The following OXR1 variants were observed in gnomAD, a reference collection of about 807,000 sequenced individuals.
OXR1 encodes oxidation resistance protein 1.
In OXR1, 41 loss-of-function variants were observed where a neutral mutation model predicts 104.6. The ratio of observed to expected loss-of-function variants is 0.39; its 90% CI spans 0.31 to 0.51. OXR1 has a LOEUF of 0.51. Among genes scored for constraint, OXR1 ranks in the 20% least tolerant of loss-of-function variants. The pLI is 0.77. For missense variants in OXR1, 955 were observed against 1,031.9 expected, an observed-to-expected ratio of 0.93 and a Z score of 1.02; for synonymous variants, 348 against 348.4, an observed-to-expected ratio of 1.00 and a Z score of 0.01.
At chr8:106,301,861 A>G (rs2130090551) in intron 1 of OXR1, among the ~76,000 whole-genome samples, 1 of 152,320 alleles carries the variant, frequency 6.6e-6, no homozygotes, top group Admixed American at 6.5e-5. Context: ...GTGATTGTAG[A>G]TAGGTTGTTT....
At chr8:106,369,779 A>G (rs1477469589) in intron 2 of OXR1, among the ~76,000 whole-genome samples, 4 of 152,200 alleles carry the variant, frequency 2.6e-5, no homozygotes, top group Admixed American at 6.5e-5. Context: ...TACAAGTACC[A>G]TGCTGTATTG....
chr8:106,413,279 T>G (rs2130512634), intron 2 of OXR1, among the ~76,000 whole-genome samples: 1 of 152,230 alleles, frequency 6.6e-6, no homozygotes, highest in East Asian at 1.9e-4. Flanking sequence ...CCTAAATGTG[T>G]ATTCAAGCAC....
intron 3 of OXR1, among the ~76,000 whole-genome samples, chr8:106,563,296 C>G (rs1368387411): frequency 8.0e-6 from 1 of 125,772 alleles, no homozygotes. Flanking sequence ...AAATGGAAAG[C>G]AAAAAAAAAA....
intron 3 of OXR1, among the ~76,000 whole-genome samples, chr8:106,613,555 T>C (rs556225419): frequency 3.3e-5 from 5 of 152,142 alleles, no homozygotes; most frequent in Non-Finnish European, 7.3e-5. Context: ...TGTGCCACAA[T>C]ACCCAGCTAA....
At chr8:106,703,516 C>CTT (rs35466416) in intron 8 of OXR1, among the ~76,000 whole-genome samples, 9 of 145,862 alleles carry the variant, frequency 6.2e-5, no homozygotes, top group Admixed American at 1.4e-4. Context: ...GGCAAGACAG[C>CTT]TTTTTTTTTT....
At chr8:106,639,934 A>G (rs1437922272) in intron 3 of OXR1, among the ~76,000 whole-genome samples, 1 of 152,170 alleles carries the variant, frequency 6.6e-6, no homozygotes, top group Non-Finnish European at 1.5e-5. Context: ...TAAGGTAAGT[A>G]TAATCAAGGT....
At chr8:106,545,918 C>G (rs568564368) in intron 3 of OXR1, among the ~76,000 whole-genome samples, 32 of 151,964 alleles carry the variant, frequency 2.1e-4, no homozygotes, top group Admixed American at 3.3e-4. Flanking sequence ...ATTGCTTGAA[C>G]CCGGGAGGCA....
intron 2 of OXR1, among the ~76,000 whole-genome samples, chr8:106,511,922 T>C (rs1308946985): frequency 6.6e-6 from 1 of 152,180 alleles, no homozygotes. Flanking sequence ...ATAGGACATA[T>C]GCTACCTACC....
chr8:106,710,618 C>A lies in OXR1; in HGVS notation c.1625-4C>A, dbSNP rs1378000493. 6.4e-7 allele frequency: 1 copy of A among 1,563,910 alleles called. No homozygotes were observed. The highest frequency in any genetic ancestry group is 1.7e-4 in the Middle Eastern group (1 of 5,736). ...AATAAACACTGTTTGCATCTCAATTCTAGGTTCTGCACTTTTAAAAGAAAA... is the reference window on the plus strand; with the variant it reads ...AATAAACACTGTTTGCATCTCAATTATAGGTTCTGCACTTTTAAAAGAAAA... On this transcript the variant is annotated splice_polypyrimidine_tract_variant and splice_region_variant and intron_variant, in intron 9 of 16. Transcript: ENST00000517566.
chr8:106,358,334 C>T (rs66663437), intron 1 of OXR1, among the ~76,000 whole-genome samples: 42,845 of 152,044 alleles, frequency 0.28, 6,503 homozygotes, highest in Admixed American at 0.37. Flanking sequence ...GTGGCTTTTT[C>T]TTAAACTTGT....
chr8:106,350,376 A>T (rs1414568924), intron 1 of OXR1, among the ~76,000 whole-genome samples: 1 of 152,186 alleles, frequency 6.6e-6, no homozygotes, highest in Non-Finnish European at 1.5e-5. Flanking sequence ...AAGGTTCATA[A>T]CTGTTTAGTT....
chr8:106,355,634 A>G (rs971055781), intron 1 of OXR1, among the ~76,000 whole-genome samples: 1 of 152,140 alleles, frequency 6.6e-6, no homozygotes. Context: ...TATAATTGCT[A>G]TGAATGGTCA....
chr8:106,461,860 G>A (rs755292227), intron 2 of OXR1, among the ~76,000 whole-genome samples: 5 of 152,068 alleles, frequency 3.3e-5, no homozygotes, highest in African/African-American at 4.8e-5. Flanking sequence ...TAATACCACA[G>A]GTTATTCATT....
At chr8:106,619,188 C>T (rs1423865381) in intron 3 of OXR1, among the ~76,000 whole-genome samples, 1 of 152,110 alleles carries the variant, frequency 6.6e-6, no homozygotes, top group East Asian at 1.9e-4. Flanking sequence ...ATATACTTTA[C>T]CACTTATTTA....
rs1028919584 is a variant in OXR1 at position 106,737,612 on chromosome 8, A to G, written c.2037+12A>G. On this transcript the variant is annotated intron_variant, in intron 12 of 16. Coordinates refer to ENST00000517566, the MANE Select transcript of OXR1 (RefSeq NM_001198533.2). Reference sequence around the variant, plus strand: ...GCAGACGCCTCCAGGTGCCCCCTTCAGTAGTTTAAACCCCTCCAGAGACTA... The same window carrying G: ...GCAGACGCCTCCAGGTGCCCCCTTCGGTAGTTTAAACCCCTCCAGAGACTA... 5 of 1,301,094 alleles carry G rather than the reference A, an allele frequency of 3.8e-6. No individual in the cohort carries two copies. The highest frequency in any genetic ancestry group is 2.7e-5 in the Admixed American group (1 of 37,500). The allele number at this position is 1,301,094 out of a possible 1,614,324, so 80.6% of individuals were successfully genotyped here. A position where few individuals can be genotyped will look rare whatever the true frequency, so the allele number is the denominator to read the frequency against.
At chr8:106,548,677 G>A (rs138561469) in intron 3 of OXR1, among the ~76,000 whole-genome samples, 8 of 152,256 alleles carry the variant, frequency 5.3e-5, no homozygotes, top group Admixed American at 1.3e-4. Context: ...TTAGTATACT[G>A]TATGTTTAGG....
chr8:106,719,197 TAC>T (rs1832600460), intron 11 of OXR1, among the ~76,000 whole-genome samples: 1 of 152,208 alleles, frequency 6.6e-6, no homozygotes, highest in Non-Finnish European at 1.5e-5. Context: ...TGTTTTTTGA[TAC>T]AGATTTTTTA....
At chr8:106,616,243 T>G (rs1316583497) in intron 3 of OXR1, among the ~76,000 whole-genome samples, 1 of 136,390 alleles carries the variant, frequency 7.3e-6, no homozygotes, top group Non-Finnish European at 1.6e-5. Context: ...TTTTTTTTTT[T>G]GTAGAGACAG....
At chr8:106,522,812 G>C (rs984373173) in intron 3 of OXR1, 1 of 151,726 alleles carries the variant, frequency 6.6e-6, no homozygotes, top group Non-Finnish European at 1.5e-5. Context: ...ACCATAGAAA[G>C]TACTGTATAA....
Sources: gnomAD v4.1 joint callset for allele counts (sites outside exome capture counted in the v4.1 genomes callset) on GRCh38, gnomAD v4.1.1 for gene constraint, MANE v1.5 for transcripts, NCBI Gene and HGNC (gene_info 2026-07-23, HGNC 2026-07-21) for gene names.